Variants in UBE2QL1 observed in about 807,000 individuals in gnomAD.
UBE2QL1 encodes ubiquitin-conjugating enzyme E2Q-like protein 1.
UBE2QL1 carries 5 observed loss-of-function variants against 12.6 expected under a neutral mutation model. The observed-to-expected ratio is 0.40, with a 90% CI of 0.21 to 0.83. UBE2QL1 has a LOEUF of 0.83. Among genes scored for constraint, UBE2QL1 ranks in the 40% least tolerant of loss-of-function variants. UBE2QL1 has a pLI of 0.37. For synonymous variants in UBE2QL1, 96 were observed against 94.5 expected, an observed-to-expected ratio of 1.02 and a Z score of -0.10; for missense variants, 99 against 222.6, an observed-to-expected ratio of 0.44 and a Z score of 3.53.
At chr5:6,450,736 G>C (rs1279054259) in intron 1 of UBE2QL1, among the ~76,000 whole-genome samples, 3 of 152,168 alleles carry the variant, frequency 2.0e-5, no homozygotes, top group African/African-American at 7.2e-5. Context: ...GGTAATTCCT[G>C]ACCCATCCTG....
In UBE2QL1 at chr5:6,478,344, A is replaced by G. The variant is rs551284684; in HGVS notation, c.355-12874A>G. ...TGTAAGTAACATGGCTTGGAAAGAG[A>G]CCACAGCCGTGAACTGCCACCATCA... On this transcript the variant is annotated intron_variant, in intron 1 of 1. Coordinates refer to ENST00000399816, the MANE Select transcript of UBE2QL1 (RefSeq NM_001145161.3). The surrounding 1 kb of genome is among the most constrained non-coding windows in gnomAD (Gnocchi z 4.5). Among the ~76,000 whole-genome samples the G allele has an allele frequency of 6.6e-6, 1 of 152,198 alleles. No homozygotes were observed.
At chr5:6,459,480 C>T (rs970728478) in intron 1 of UBE2QL1, among the ~76,000 whole-genome samples, 13 of 152,148 alleles carry the variant, frequency 8.5e-5, no homozygotes, top group Admixed American at 3.3e-4. Context: ...CCAAACCCCT[C>T]GAAGCCACCT....
At chr5:6,464,990 C>T (rs950686389) in intron 1 of UBE2QL1, among the ~76,000 whole-genome samples, 4 of 142,580 alleles carry the variant, frequency 2.8e-5, no homozygotes, top group Admixed American at 7.0e-5. Context: ...AGTTTTTATT[C>T]TTTTTTTTTT....
intron 1 of UBE2QL1, among the ~76,000 whole-genome samples, chr5:6,484,987 G>A (rs1203985322): frequency 2.6e-5 from 4 of 151,888 alleles, no homozygotes; most frequent in East Asian, 3.9e-4. Flanking sequence ...GGCTCACATC[G>A]GTCCCTGCAG....
rs989262090 is a variant in UBE2QL1, at chr5:6,479,455, G to T, written c.355-11763G>T. Among the ~76,000 whole-genome samples the T allele has an allele frequency of 2.0e-5, 3 of 152,126 alleles. No homozygotes were observed. Among genetic ancestry groups the T allele is most frequent in the Non-Finnish European group, 4.4e-5 (3 of 68,016 alleles). On this transcript the variant is annotated intron_variant, in intron 1 of 1. Transcript: ENST00000399816. The surrounding 1 kb of genome is among the most constrained non-coding windows in gnomAD (Gnocchi z 4.2). Reference sequence around the variant, plus strand: ...GGCGACTTCAGTAAGAAAGTGGGGGGTCTCTGGGGCTAGTCAGGGAAATGT... The same window carrying T: ...GGCGACTTCAGTAAGAAAGTGGGGGTTCTCTGGGGCTAGTCAGGGAAATGT...
chr5:6,449,878 C>CA (rs1553987111), intron 1 of UBE2QL1, among the ~76,000 whole-genome samples: 3 of 135,380 alleles, frequency 2.2e-5, no homozygotes, highest in Non-Finnish European at 4.7e-5. Context: ...ACCCCCCCCA[C>CA]ACACACACAC....
At chr5:6,484,118 A>G (rs1279685969) in intron 1 of UBE2QL1, among the ~76,000 whole-genome samples, 2 of 152,230 alleles carry the variant, frequency 1.3e-5, no homozygotes. Context: ...GGGGATGCAT[A>G]TGAATGAGTC....
chr5:6,463,637 A>ATTATTC (rs1739723166), intron 1 of UBE2QL1, among the ~76,000 whole-genome samples: 1 of 145,018 alleles, frequency 6.9e-6, no homozygotes, highest in Non-Finnish European at 1.5e-5. Context: ...TATTATTATT[A>ATTATTC]TTATTTTTGA....
Position 6,496,653 on chromosome 5 carries a change from C to A in UBE2QL1, c.*5304C>A, listed in dbSNP as rs1250104263. Among the ~76,000 whole-genome samples, 1 of 150,178 alleles carries A rather than the reference C, an allele frequency of 6.7e-6. No individual in the cohort carries two copies. The highest frequency in any genetic ancestry group is 1.5e-5 in the Non-Finnish European group (1 of 67,940). On this transcript the variant is annotated 3_prime_UTR_variant, in exon 2 of 2. Coordinates refer to ENST00000399816, the MANE Select transcript of UBE2QL1 (RefSeq NM_001145161.3). ...GAGTCAAATAATCTAGAGGCACTGC[C>A]CTAATGAGAAAAAAAAAACAATGAT... is the stretch of plus-strand genomic sequence containing the variant.
At position 6,494,780 on chromosome 5, in the gene UBE2QL1, T is replaced by A. The variant is rs1484384710; in HGVS notation, c.*3431T>A. 2 of 152,320 alleles carry A rather than the reference T, an allele frequency of 1.3e-5. No individual in the cohort carries two copies. Among genetic ancestry groups the A allele is most frequent in the East Asian group, 3.9e-4 (2 of 5,180 alleles). 9.4% of individuals were successfully genotyped at this position (152,320 alleles called of 1,614,324 possible). On this transcript the variant is annotated 3_prime_UTR_variant, in exon 2 of 2. Transcript: ENST00000399816. ...TTGCTTTCTGTCCCCAGTTCTTACA[T>A]TAAGTCAACCAACTGACCCAAAAAT...
rs754478905 is a variant in UBE2QL1 at position 6,449,229 on chromosome 5, C to A, written c.336C>A (p.Ala112=). 17 of 1,454,010 alleles carry A rather than the reference C, an allele frequency of 1.2e-5. No individual in the cohort carries two copies. In the African/African-American group the frequency reaches 2.3e-4, roughly 20 times the overall value. 90.1% of individuals were successfully genotyped at this position (1,454,010 alleles called of 1,614,324 possible). A position where few individuals can be genotyped will look rare whatever the true frequency, so the allele number is the denominator to read the frequency against. ...TVEAVMRQFA[A]SLVKGQGRIC... The stretch of plus-strand genomic sequence containing the variant: ...AGGCCGTCATGCGCCAGTTCGCAGC[C>A]AGCCTGGTCAAGGGCCAGGTAAGGC... The change falls in exon 1 of 2, where the codon GCC becomes GCA. Residue 112 remains alanine, a synonymous_variant. Coordinates refer to ENST00000399816, the MANE Select transcript of UBE2QL1 (RefSeq NM_001145161.3).
chr5:6,464,444 G>A (rs73036247), intron 1 of UBE2QL1, among the ~76,000 whole-genome samples: 2,295 of 152,304 alleles, frequency 0.015, 64 homozygotes, highest in African/African-American at 0.052. Flanking sequence ...CATACCTTGT[G>A]GTTTTGTTTG....
intron 1 of UBE2QL1, among the ~76,000 whole-genome samples, chr5:6,456,170 GA>G (rs1426317369): frequency 6.6e-6 from 1 of 152,224 alleles, no homozygotes; most frequent in Non-Finnish European, 1.5e-5. Flanking sequence ...CTCTAATGGG[GA>G]GAAGACAAAA....
intron 1 of UBE2QL1, among the ~76,000 whole-genome samples, chr5:6,490,522 G>T (rs978969976): frequency 8.5e-5 from 13 of 152,200 alleles, no homozygotes; most frequent in Non-Finnish European, 2.9e-5. Context: ...CCCCTCCCGG[G>T]ATCGTGTGAC....
At position 6,479,947 on chromosome 5, in the gene UBE2QL1, C is replaced by A. The variant is rs1734325243; in HGVS notation, c.355-11271C>A. Reference sequence around the variant, plus strand: ...CTGATCATCTCGGGGCTTACATAAACCATGTGGCAAATGACAGGATGGCTG... The same window carrying A: ...CTGATCATCTCGGGGCTTACATAAAACATGTGGCAAATGACAGGATGGCTG... On this transcript the variant is annotated intron_variant, in intron 1 of 1. Coordinates refer to ENST00000399816, the MANE Select transcript of UBE2QL1 (RefSeq NM_001145161.3). The surrounding 1 kb of genome is among the most constrained non-coding windows in gnomAD (Gnocchi z 4.2). 6.6e-6 allele frequency among the ~76,000 whole-genome samples: 1 copy of A among 152,178 alleles called. No individual in the cohort carries two copies. The highest frequency in any genetic ancestry group is 2.4e-5 in the African/African-American group (1 of 41,440).
intron 1 of UBE2QL1, among the ~76,000 whole-genome samples, chr5:6,452,113 A>G (rs554370684): frequency 4.1e-4 from 63 of 152,222 alleles, no homozygotes; most frequent in Non-Finnish European, 4.1e-4. Context: ...AACTTTGTGA[A>G]TTGAGGATAC....
chr5:6,457,689 A>G (rs75492144), intron 1 of UBE2QL1, among the ~76,000 whole-genome samples: 357 of 152,358 alleles, frequency 2.3e-3, no homozygotes, highest in Non-Finnish European at 3.8e-3. Flanking sequence ...GAAGAAACTG[A>G]GGCTTGCTGA....
intron 1 of UBE2QL1, among the ~76,000 whole-genome samples, chr5:6,459,421 C>T (rs1202931873): frequency 1.3e-5 from 2 of 152,110 alleles, no homozygotes; most frequent in East Asian, 1.9e-4. Context: ...TCTTGATGAT[C>T]GGTCAAAGAG....
At chr5:6,475,708 G>T (rs1734214612) in intron 1 of UBE2QL1, among the ~76,000 whole-genome samples, 1 of 149,996 alleles carries the variant, frequency 6.7e-6, no homozygotes, top group Admixed American at 6.7e-5. Context: ...GGGGGGTGGG[G>T]TGGGTGGTGC....
Sources: gnomAD v4.1 joint callset for allele counts (sites outside exome capture counted in the v4.1 genomes callset) on GRCh38, gnomAD v4.1.1 for gene constraint, Gnocchi (gnomAD v3.1) non-coding constraint, MANE v1.5 for transcripts, NCBI Gene and HGNC (gene_info 2026-07-23, HGNC 2026-07-21) for gene names.